DLC1: variants seen among roughly 807,000 people sequenced by gnomAD.
DLC1 encodes rho GTPase-activating protein 7.
In DLC1, 54 loss-of-function variants were observed where a neutral mutation model predicts 140.3. The ratio of observed to expected loss-of-function variants is 0.38; its 90% CI spans 0.31 to 0.48. The LOEUF (loss-of-function observed/expected upper bound fraction) is 0.48, where lower values mean the gene tolerates loss of function less well. DLC1 is among the 20% of genes least tolerant of loss of function. The pLI, the probability that DLC1 is intolerant of heterozygous loss-of-function variation, is 0.96. For missense variants in DLC1, 2,536 were observed against 1,907.0 expected (o/e 1.33, Z -6.14); for synonymous variants, 986 against 728.1 (o/e 1.35, Z -5.70).
intron 5 of DLC1, among the ~76,000 whole-genome samples, chr8:13,235,297 A>G (rs1829227868): frequency 1.3e-5 from 2 of 152,072 alleles, no homozygotes; most frequent in South Asian, 4.1e-4. Context: ...GTCTTTGTTT[A>G]TATTTACATA....
At position 13,093,456 on chromosome 8, in the gene DLC1, G is replaced by C. The variant is rs576017490; in HGVS notation, c.3527-631C>G. Among the ~76,000 whole-genome samples the C allele has an allele frequency of 1.8e-4, 28 of 152,244 alleles. No individual in the cohort carries two copies. In the South Asian group the frequency reaches 5.4e-3, roughly 29 times the overall value. Reference sequence around the variant, plus strand: ...TAATTTCTTAAGTTTTAGAAAGCATGCTCGAGAGGCTATAAAAATGCATAT... The same window carrying C: ...TAATTTCTTAAGTTTTAGAAAGCATCCTCGAGAGGCTATAAAAATGCATAT... On this transcript the variant is annotated intron_variant, in intron 12 of 17. Transcript: ENST00000276297.
At chr8:13,316,116 C>G (rs1326527974) in intron 4 of DLC1, among the ~76,000 whole-genome samples, 1 of 152,212 alleles carries the variant, frequency 6.6e-6, no homozygotes, top group East Asian at 1.9e-4. Flanking sequence ...CACTCAGACA[C>G]AAGTGGTTAG....
intron 5 of DLC1, among the ~76,000 whole-genome samples, chr8:13,173,544 G>A (rs1299322355): frequency 6.6e-6 from 1 of 152,076 alleles, no homozygotes; most frequent in Non-Finnish European, 1.5e-5. Flanking sequence ...GCTAATTTTT[G>A]TATTTTTAGC....
At chr8:13,410,099 G>A (rs1382002437) in intron 2 of DLC1, among the ~76,000 whole-genome samples, 2 of 151,966 alleles carry the variant, frequency 1.3e-5, no homozygotes, top group Middle Eastern at 3.4e-3. Flanking sequence ...AAAAAAATAC[G>A]ACAAGTAAAT....
chr8:13,448,458 G>A (rs1415564802), intron 2 of DLC1, among the ~76,000 whole-genome samples: 1 of 151,650 alleles, frequency 6.6e-6, no homozygotes, highest in Non-Finnish European at 1.5e-5. Flanking sequence ...CCACCTCCTG[G>A]TTCAAGTGAT....
chr8:13,530,220 C>A (rs1245785980), intron 1 of DLC1, among the ~76,000 whole-genome samples: 2 of 152,160 alleles, frequency 1.3e-5, no homozygotes, highest in East Asian at 3.9e-4. Context: ...CTTCCCATAT[C>A]TATTTAGATG....
intron 1 of DLC1, among the ~76,000 whole-genome samples, chr8:13,603,966 G>T (rs1486434424): frequency 1.3e-5 from 2 of 152,006 alleles, no homozygotes; most frequent in African/African-American, 2.4e-5. Context: ...AAGGTAAATG[G>T]TGTACTTAAT....
intron 1 of DLC1, among the ~76,000 whole-genome samples, chr8:13,507,953 A>G (rs1802175969): frequency 6.6e-6 from 1 of 152,308 alleles, no homozygotes; most frequent in Admixed American, 6.5e-5. Flanking sequence ...ACCCATTTTT[A>G]GGTATATCTG....
Position 13,092,450 on chromosome 8 carries a change from G to T in DLC1, c.3740+162C>A, listed in dbSNP as rs538578503. Among the ~76,000 whole-genome samples, 3 of 152,308 alleles carry T rather than the reference G, an allele frequency of 2.0e-5. No homozygotes were observed. In the South Asian group the frequency reaches 6.2e-4, roughly 32 times the overall value. On this transcript the variant is annotated intron_variant, in intron 13 of 17. Transcript: ENST00000276297. ...TTTTCTCATGCACGCCAACAGACCA[G>T]TCTCAGGTATGTCTTTATTAGCGGT...
At chr8:13,172,285 A>C (rs1218061477) in intron 5 of DLC1, among the ~76,000 whole-genome samples, 6 of 152,186 alleles carry the variant, frequency 3.9e-5, no homozygotes, top group African/African-American at 1.4e-4. Context: ...GGGTGTGGCC[A>C]GCTGGAGCCT....
At chr8:13,405,889 CTTTCTTTCTT>C (rs1837507400) in intron 2 of DLC1, among the ~76,000 whole-genome samples, 1 of 114,374 alleles carries the variant, frequency 8.7e-6, no homozygotes, top group South Asian at 3.3e-4. Context: ...CTTTTCTTTT[CTTTCTTTCTT>C]TTTCTTTCTT....
chr8:13,400,838 G>A (rs564698294), intron 3 of DLC1, among the ~76,000 whole-genome samples: 1 of 151,954 alleles, frequency 6.6e-6, no homozygotes, highest in East Asian at 1.9e-4. Flanking sequence ...AATATGTAAA[G>A]CATATAGTTG....
chr8:13,565,929 T>G (rs1804412905), intron 1 of DLC1, among the ~76,000 whole-genome samples: 1 of 152,188 alleles, frequency 6.6e-6, no homozygotes, highest in Admixed American at 6.5e-5. Flanking sequence ...GGGATTCAGT[T>G]AGAAAAAAGG....
At chr8:13,557,925 G>C (rs910117878) in intron 1 of DLC1, 2 of 152,114 alleles carry the variant, frequency 1.3e-5, no homozygotes, top group African/African-American at 4.8e-5. Context: ...GATGATCTTT[G>C]TCTAAAGAAC....
chr8:13,408,439 A>T (rs1187238402), intron 2 of DLC1, among the ~76,000 whole-genome samples: 2 of 152,214 alleles, frequency 1.3e-5, no homozygotes, highest in South Asian at 2.1e-4. Flanking sequence ...CTAGGTTTTT[A>T]AACTCCAACT....
chr8:13,404,427 C>A (rs1837434159), intron 2 of DLC1, among the ~76,000 whole-genome samples: 1 of 152,138 alleles, frequency 6.6e-6, no homozygotes. Context: ...GACTCCGAAA[C>A]ACACTGGGGT....
chr8:13,133,226 G>A (rs1002248416), intron 5 of DLC1: 12 of 1,410,996 alleles, frequency 8.5e-6, no homozygotes, highest in East Asian at 5.4e-5. Flanking sequence ...CTCCTGATGC[G>A]GAGAGGTGCG....
At chr8:13,440,135 G>A (rs765161174) in intron 2 of DLC1, among the ~76,000 whole-genome samples, 39 of 152,020 alleles carry the variant, frequency 2.6e-4, no homozygotes, top group South Asian at 2.1e-4. Flanking sequence ...TCTTTATTAC[G>A]AATTTTCGAT....
At chr8:13,498,725 C>A in intron 2 of DLC1, 1 of 209,890 alleles carries the variant, frequency 4.8e-6, no homozygotes, top group Non-Finnish European at 9.5e-6. Flanking sequence ...CTACAGAATG[C>A]CTTGAATTGC....
Sources: gnomAD v4.1 joint callset for allele counts (sites outside exome capture counted in the v4.1 genomes callset) on GRCh38, gnomAD v4.1.1 for gene constraint, MANE v1.5 for transcripts, NCBI Gene and HGNC (gene_info 2026-07-23, HGNC 2026-07-21) for gene names.